BLOC1S3: variants seen among roughly 807,000 people sequenced by gnomAD.
The protein encoded by BLOC1S3 is biogenesis of lysosomal organelles complex 1 subunit 3.
In BLOC1S3, 7 loss-of-function variants were observed where a neutral mutation model predicts 9.1. That is an observed-to-expected ratio of 0.77 (90% CI 0.44 to 1.45). The LOEUF (loss-of-function observed/expected upper bound fraction) is 1.45, where lower values mean the gene tolerates loss of function less well. BLOC1S3 is among the 40% of genes most tolerant of loss of function. The pLI is 0.01. For missense variants in BLOC1S3, 307 were observed against 315.2 expected (o/e 0.97, Z 0.20); for synonymous variants, 145 against 158.4 (o/e 0.92, Z 0.64).
intron 2 of BLOC1S3, among the ~76,000 whole-genome samples, chr19:45,197,515 G>A (rs1031935885): frequency 8.7e-5 from 13 of 149,968 alleles, no homozygotes; most frequent in Admixed American, 8.0e-4. Flanking sequence ...AAAAGAAGAA[G>A]AAGAAAAAGA....
rs1279327453 is a variant in BLOC1S3, at chr19:45,180,337, G to A, written c.*432G>A. The A allele has an allele frequency of 6.5e-6, 1 of 154,500 alleles. No homozygotes were observed. The highest frequency in any genetic ancestry group is 1.4e-5 in the Non-Finnish European group (1 of 70,274). 9.6% of individuals were successfully genotyped at this position (154,500 alleles called of 1,614,324 possible). A position where few individuals can be genotyped will look rare whatever the true frequency, so the allele number is the denominator to read the frequency against. On this transcript the variant is annotated 3_prime_UTR_variant, in exon 2 of 2. Coordinates refer to ENST00000433642, the MANE Select transcript of BLOC1S3 (RefSeq NM_212550.5). ...TGCTCACTGCAACCTCGACCTCCTG[G>A]GCTCAAGTGATCCTCCCAGCTCAGC...
At chr19:45,216,033 G>GCCAGGCA in intron 3 of BLOC1S3, 1 of 1,608,234 alleles carries the variant, frequency 6.2e-7, no homozygotes, top group Non-Finnish European at 8.5e-7. Context: ...GGAGACCTCG[G>GCCAGGCA]CCAGGCACGG....
At chr19:45,208,071 T>C (rs1200549344) in intron 3 of BLOC1S3, among the ~76,000 whole-genome samples, 1 of 150,684 alleles carries the variant, frequency 6.6e-6, no homozygotes, top group Non-Finnish European at 1.5e-5. Flanking sequence ...ACCTCCTGGG[T>C]TCAAGCGATT....
At chr19:45,204,728 T>C (rs530915726) in intron 3 of BLOC1S3, among the ~76,000 whole-genome samples, 4 of 150,980 alleles carry the variant, frequency 2.6e-5, no homozygotes. Context: ...TCTCAGGATA[T>C]TCAGAATTTT....
chr19:45,209,205 T>C (rs536006076), intron 3 of BLOC1S3, among the ~76,000 whole-genome samples: 6 of 149,644 alleles, frequency 4.0e-5, no homozygotes, highest in Admixed American at 2.7e-4. Context: ...AGCACCACCA[T>C]GCCCGGCTAA....
intron 3 of BLOC1S3, among the ~76,000 whole-genome samples, chr19:45,211,371 AG>A (rs1394099181): frequency 6.6e-6 from 1 of 151,248 alleles, no homozygotes; most frequent in South Asian, 2.1e-4. Flanking sequence ...GTGGTGGTGG[AG>A]GGGGGGCACC....
downstream of BLOC1S3, among the ~76,000 whole-genome samples, chr19:45,184,028 GC>G (rs1969548000): frequency 6.6e-6 from 1 of 152,132 alleles, no homozygotes; most frequent in Admixed American, 6.5e-5. Context: ...TGGACTTCCA[GC>G]CCTGGAGCAC....
chr19:45,179,415 A>G lies in BLOC1S3; in HGVS notation c.119A>G (p.Tyr40Cys). ...SASSSEEEEL[Y>C]LGPSGPTRGR... Reference sequence around the variant, plus strand: ...TCCTCGTCGGAGGAGGAGGAGCTGTACCTGGGTCCTTCGGGCCCGACGCGC... The same window carrying G: ...TCCTCGTCGGAGGAGGAGGAGCTGTGCCTGGGTCCTTCGGGCCCGACGCGC... The change falls in exon 2 of 2, where the codon TAC becomes TGC. Residue 40 changes from tyrosine to cysteine, a missense_variant. By Grantham distance (194) the Tyr-to-Cys change is radical. Coordinates refer to ENST00000433642, the MANE Select transcript of BLOC1S3 (RefSeq NM_212550.5). This position sits in a 1 kb window ranked among gnomAD's most constrained non-coding sequence, Gnocchi z 4.6. The G allele has an allele frequency of 1.3e-6, 2 of 1,554,648 alleles. No homozygotes were observed. The highest frequency in any genetic ancestry group is 1.7e-6 in the Non-Finnish European group (2 of 1,157,818).
At chr19:45,203,883 A>G (rs1215239095) in intron 3 of BLOC1S3, among the ~76,000 whole-genome samples, 1 of 152,104 alleles carries the variant, frequency 6.6e-6, no homozygotes, top group Non-Finnish European at 1.5e-5. Flanking sequence ...CCTCACCCCA[A>G]AAGCCCATTG....
At chr19:45,207,801 C>A (rs1423771216) in intron 3 of BLOC1S3, among the ~76,000 whole-genome samples, 1 of 152,104 alleles carries the variant, frequency 6.6e-6, no homozygotes, top group African/African-American at 2.4e-5. Flanking sequence ...CACGCATACA[C>A]CTGCATACAC....
intron 3 of BLOC1S3, chr19:45,215,986 G>A: frequency 6.4e-7 from 1 of 1,557,152 alleles, no homozygotes. Context: ...CCTCCCTCAG[G>A]AGGCAGGAAG....
Position 45,197,844 on chromosome 19 carries a change from A to G in BLOC1S3, n.181-4562A>G, listed in dbSNP as rs1056261845. ...CGTCTCAAAAAAAAAAAAAAAAAAA[A>G]AAAAAGATCTAGAAAGGAGAGTTAG... On this transcript the variant is annotated intron_variant and non_coding_transcript_variant, in intron 2 of 3. Coordinates refer to the BLOC1S3 transcript ENST00000591569. Among the ~76,000 whole-genome samples, 40 of 151,854 alleles carry G rather than the reference A, an allele frequency of 2.6e-4. No homozygotes were observed. In the East Asian group the frequency reaches 7.2e-3, roughly 27 times the overall value.
chr19:45,216,246 A>G (rs747154952), intron 3 of BLOC1S3: 2 of 1,599,134 alleles, frequency 1.3e-6, no homozygotes, highest in Non-Finnish European at 1.7e-6. Flanking sequence ...TGACCCTGCC[A>G]ATTCCTGCCC....
At chr19:45,192,749 C>G (rs766560394) in intron 2 of BLOC1S3, among the ~76,000 whole-genome samples, 1 of 152,122 alleles carries the variant, frequency 6.6e-6, no homozygotes, top group Non-Finnish European at 1.5e-5. Flanking sequence ...CAGGACCCTG[C>G]TTGGTGCGCT....
intron 2 of BLOC1S3, among the ~76,000 whole-genome samples, chr19:45,193,927 T>C (rs59990245): frequency 1.6e-4 from 9 of 55,880 alleles, no homozygotes; most frequent in African/African-American, 3.9e-4. Flanking sequence ...CTCAGCCTCC[T>C]GAGTAGCCGG....
chr19:45,209,523 T>G (rs1037352830), intron 3 of BLOC1S3, among the ~76,000 whole-genome samples: 10 of 151,602 alleles, frequency 6.6e-5, no homozygotes, highest in South Asian at 2.1e-4. Flanking sequence ...CCGGTTTCAC[T>G]CCATTCTCCT....
At chr19:45,188,550 A>ATTAT (rs1213116625) in intron 2 of BLOC1S3, among the ~76,000 whole-genome samples, 1 of 30,050 alleles carries the variant, frequency 3.3e-5, no homozygotes, top group Non-Finnish European at 5.1e-5. Context: ...ATTCTTTCTA[A>ATTAT]TTATTATTAT....
chr19:45,210,424 T>C (rs1274947933), intron 3 of BLOC1S3, among the ~76,000 whole-genome samples: 2 of 148,804 alleles, frequency 1.3e-5, no homozygotes, highest in Non-Finnish European at 3.0e-5. Flanking sequence ...CTGAGCCTCC[T>C]GGAGTAGCTG....
chr19:45,215,812 G>C (rs1341696047), intron 3 of BLOC1S3, among the ~76,000 whole-genome samples: 1 of 152,208 alleles, frequency 6.6e-6, no homozygotes, highest in Admixed American at 6.5e-5. Context: ...CCTCCAGGCA[G>C]CCCTGCGCCC....
Sources: allele counts gnomAD v4.1 joint callset (sites outside exome capture counted in the v4.1 genomes callset), GRCh38; gene constraint gnomAD v4.1.1; non-coding constraint Gnocchi (gnomAD v3.1); transcripts MANE v1.5; gene names NCBI Gene and HGNC (gene_info 2026-07-23, HGNC 2026-07-21).